The following PTPRT variants were observed in gnomAD, a reference collection of about 807,000 sequenced individuals.
PTPRT encodes protein tyrosine phosphatase receptor type T.
PTPRT carries 56 observed loss-of-function variants against 176.8 expected under a neutral mutation model. That is an observed-to-expected ratio of 0.32 (90% CI 0.26 to 0.40). PTPRT has a LOEUF of 0.40. Ranked by LOEUF, PTPRT falls within the 10% of genes least tolerant of loss-of-function variation. The pLI, the probability that PTPRT is intolerant of heterozygous loss-of-function variation, is 1.00. For synonymous variants in PTPRT, 783 were observed against 739.0 expected (o/e 1.06, Z -0.96); for missense variants, 1,540 against 1,908.2 (o/e 0.81, Z 3.60).
the PTPRT span, among the ~76,000 whole-genome samples, chr20:42,047,760 G>A: frequency 6.6e-6 from 1 of 152,094 alleles, no homozygotes; most frequent in African/African-American, 2.4e-5. Context: ...ACATTTTCTG[G>A]GAGACACTGG....
At chr20:42,569,076 AAAAAAATATATATATATATATAT>A (rs1173893542) in intron 7 of PTPRT, among the ~76,000 whole-genome samples, 3 of 84,874 alleles carry the variant, frequency 3.5e-5, no homozygotes, top group African/African-American at 1.7e-4. Flanking sequence ...AAAAAAAAAA[AAAAAAATATATATATATATATAT>A]ATATATATAT....
At chr20:42,171,273 T>TA (rs1990069527) in intron 16 of PTPRT, among the ~76,000 whole-genome samples, 1 of 152,038 alleles carries the variant, frequency 6.6e-6, no homozygotes, top group African/African-American at 2.4e-5. Context: ...AGTCTTGTTA[T>TA]AAAAAAAGTT....
chr20:42,183,932 T>G (rs1990623183), intron 16 of PTPRT, among the ~76,000 whole-genome samples: 1 of 152,148 alleles, frequency 6.6e-6, no homozygotes, highest in South Asian at 2.1e-4. Context: ...GAGTCTGTCC[T>G]GTTGCTAGGA....
chr20:42,379,379 T>C (rs4812592), intron 9 of PTPRT, among the ~76,000 whole-genome samples: 126,012 of 152,266 alleles, frequency 0.83, 52,282 homozygotes, highest in East Asian at 0.95. Context: ...TGTTTAATCA[T>C]AACAGAAGAG....
chr20:42,299,173 G>T (rs1014020103), intron 12 of PTPRT, among the ~76,000 whole-genome samples: 1 of 152,026 alleles, frequency 6.6e-6, no homozygotes, highest in Non-Finnish European at 1.5e-5. Flanking sequence ...TTTTCTGTAT[G>T]CACTTGTTTG....
chr20:42,048,813 T>G, the PTPRT span, among the ~76,000 whole-genome samples: 45 of 152,262 alleles, frequency 3.0e-4, no homozygotes, highest in African/African-American at 1.0e-3. Flanking sequence ...TACTAAGTTT[T>G]TTTTGTTTTG....
chr20:42,356,511 A>C (rs1219120287), intron 9 of PTPRT, among the ~76,000 whole-genome samples: 1 of 152,022 alleles, frequency 6.6e-6, no homozygotes, highest in Non-Finnish European at 1.5e-5. Flanking sequence ...CCTGACCAAC[A>C]CAGAGAAACC....
At chr20:43,171,368 G>T (rs1054477934) in intron 1 of PTPRT, among the ~76,000 whole-genome samples, 1 of 152,104 alleles carries the variant, frequency 6.6e-6, no homozygotes, top group Non-Finnish European at 1.5e-5. Context: ...AGGCATGGGG[G>T]ATCAGCAGGG....
In PTPRT at chr20:42,579,085, T is replaced by C. The variant is rs1224588290; in HGVS notation, c.1153+98781A>G. ...CCCCCCACCCCACAACAGGCCCTGG[T>C]GTGTGATGTTCCCCTTCCTGTGTCC... On this transcript the variant is annotated intron_variant, in intron 7 of 30. Transcript: ENST00000373187. Among the ~76,000 whole-genome samples the C allele has an allele frequency of 5.8e-5, 7 of 120,008 alleles. No individual in the cohort carries two copies. In the East Asian group the frequency reaches 1.9e-3, roughly 32 times the overall value. 78.7% of individuals were successfully genotyped at this position (120,008 alleles called of 152,430 possible).
At chr20:42,688,944 A>G (rs2075745933) in intron 6 of PTPRT, among the ~76,000 whole-genome samples, 1 of 152,198 alleles carries the variant, frequency 6.6e-6, no homozygotes, top group Non-Finnish European at 1.5e-5. Flanking sequence ...GCAGAAACCA[A>G]TGAGCTATAG....
chr20:42,932,881 C>A (rs181402661), intron 1 of PTPRT, among the ~76,000 whole-genome samples: 1 of 152,342 alleles, frequency 6.6e-6, no homozygotes, highest in Non-Finnish European at 1.5e-5. Context: ...AAATGGCAAG[C>A]AGTAAGTATA....
intron 7 of PTPRT, among the ~76,000 whole-genome samples, chr20:42,508,469 T>C (rs1293093902): frequency 6.6e-6 from 1 of 152,126 alleles, no homozygotes; most frequent in Non-Finnish European, 1.5e-5. Context: ...CACTATTCTT[T>C]ATAAAGTTGT....
At chr20:42,668,153 G>T (rs990377874) in intron 7 of PTPRT, among the ~76,000 whole-genome samples, 38 of 152,156 alleles carry the variant, frequency 2.5e-4, no homozygotes, top group Non-Finnish European at 3.7e-4. Flanking sequence ...AAGAAAAAAA[G>T]TTAAACAATT....
At chr20:42,200,791 G>C (rs1991417891) in intron 15 of PTPRT, among the ~76,000 whole-genome samples, 1 of 152,102 alleles carries the variant, frequency 6.6e-6, no homozygotes, top group Non-Finnish European at 1.5e-5. Flanking sequence ...CAGATATCTT[G>C]AGAGTAAATT....
At chr20:42,169,230 A>G (rs1335867627) in intron 16 of PTPRT, among the ~76,000 whole-genome samples, 2 of 152,300 alleles carry the variant, frequency 1.3e-5, no homozygotes, top group East Asian at 3.9e-4. Context: ...AAAAGATGGT[A>G]TCTTTGTTTC....
chr20:42,793,775 A>G lies in PTPRT; in HGVS notation c.215-2309T>C, dbSNP rs140422706. The stretch of plus-strand genomic sequence containing the variant: ...CCTGCATCCATGCCCATATCTGTCC[A>G]CTGGCCTACATGCCACAGGGTTCCA... On this transcript the variant is annotated intron_variant, in intron 2 of 30. Transcript: ENST00000373187. Among the ~76,000 whole-genome samples, 409 of 152,282 alleles carry G rather than the reference A, an allele frequency of 2.7e-3. 1 individual carries two copies. The highest frequency in any genetic ancestry group is 9.5e-3 in the African/African-American group (396 of 41,558).
chr20:42,083,327 AGGCATCTG>A (rs1487035987), intron 29 of PTPRT, among the ~76,000 whole-genome samples: 6 of 152,086 alleles, frequency 3.9e-5, no homozygotes, highest in Non-Finnish European at 8.8e-5. Context: ...AATGTGTGGG[AGGCATCTG>A]GGCATCTGGA....
intron 7 of PTPRT, among the ~76,000 whole-genome samples, chr20:42,529,185 C>T (rs1244024008): frequency 2.0e-5 from 3 of 152,104 alleles, no homozygotes; most frequent in South Asian, 2.1e-4. Flanking sequence ...CATAGGACTT[C>T]GAAGATCCTC....
intron 7 of PTPRT, among the ~76,000 whole-genome samples, chr20:42,558,160 G>A (rs984122254): frequency 2.0e-4 from 31 of 151,950 alleles, no homozygotes; most frequent in African/African-American, 7.5e-4. Context: ...CCTCTGAAAG[G>A]CCCCAGTGTG....
Sources: allele counts gnomAD v4.1 joint callset (sites outside exome capture counted in the v4.1 genomes callset), GRCh38; gene constraint gnomAD v4.1.1; transcripts MANE v1.5; gene names NCBI Gene and HGNC (gene_info 2026-07-23, HGNC 2026-07-21).